TIAM2: variants seen among roughly 807,000 people sequenced by gnomAD.
The protein encoded by TIAM2 is TIAM Rac1 associated GEF 2.
Under a neutral mutation model 152.9 loss-of-function variants are expected in TIAM2, and 80 were observed. The observed-to-expected ratio is 0.52, with a 90% confidence interval of 0.44 to 0.63. The LOEUF (loss-of-function observed/expected upper bound fraction) is 0.63, where lower values mean the gene tolerates loss of function less well. TIAM2 is among the 30% of genes least tolerant of loss of function. The probability of loss-of-function intolerance (pLI) is 0.00; values close to 1 mark genes in which losing one functional copy is unlikely to be tolerated. For synonymous variants in TIAM2, 804 were observed against 838.0 expected (o/e 0.96, Z 0.70); for missense variants, 1,965 against 2,120.1 (o/e 0.93, Z 1.44).
At chr6:155,131,356 A>AT (rs1583206582) in intron 4 of TIAM2, among the ~76,000 whole-genome samples, 2 of 152,164 alleles carry the variant, frequency 1.3e-5, no homozygotes, top group East Asian at 3.9e-4. Flanking sequence ...TAAAAAAAAA[A>AT]AAAAAGTAAG....
At chr6:155,159,753 G>C (rs1203500388) in intron 7 of TIAM2, among the ~76,000 whole-genome samples, 1 of 149,062 alleles carries the variant, frequency 6.7e-6, no homozygotes, top group African/African-American at 2.5e-5. Context: ...TGCTGAGTCT[G>C]TGGAAAGAAA....
At chr6:155,091,258 A>G (rs1244472844) in intron 2 of TIAM2, among the ~76,000 whole-genome samples, 1 of 151,930 alleles carries the variant, frequency 6.6e-6, no homozygotes, top group Non-Finnish European at 1.5e-5. Context: ...TCCCTCACTG[A>G]TCGTTTTCTC....
At chr6:155,062,889 T>A (rs775217318) in intron 1 of TIAM2, among the ~76,000 whole-genome samples, 14 of 152,110 alleles carry the variant, frequency 9.2e-5, no homozygotes, top group Non-Finnish European at 1.9e-4. Context: ...CTTGTGGTTT[T>A]AATTTGCATT....
At chr6:155,058,496 TAA>T (rs1269747172) in intron 1 of TIAM2, among the ~76,000 whole-genome samples, 1 of 152,182 alleles carries the variant, frequency 6.6e-6, no homozygotes, top group African/African-American at 2.4e-5. Flanking sequence ...AGCACTGAAA[TAA>T]AAGAGCCCTT....
chr6:155,065,779 A>T (rs1052755015), intron 1 of TIAM2, among the ~76,000 whole-genome samples: 1 of 152,148 alleles, frequency 6.6e-6, no homozygotes, highest in African/African-American at 2.4e-5. Context: ...CCCACCAAAA[A>T]AGTGATTTTA....
chr6:155,185,123 CTTTTTTTTTTTTT>C (rs11404301), intron 14 of TIAM2, among the ~76,000 whole-genome samples: 20 of 92,402 alleles, frequency 2.2e-4, no homozygotes, highest in Admixed American at 4.3e-4. Context: ...GCAAATTTAC[CTTTTTTTTTTTTT>C]TTTTTTTTTT....
chr6:155,076,757 G>A (rs1040382026), intron 1 of TIAM2, among the ~76,000 whole-genome samples: 13 of 152,136 alleles, frequency 8.5e-5, no homozygotes, highest in Non-Finnish European at 2.9e-5. Flanking sequence ...GCAGTGGCAC[G>A]TGATTGTGGC....
At position 155,066,095 on chromosome 6, in the gene TIAM2, G is replaced by A. The variant is rs1042995000; in HGVS notation, c.-208-24194G>A. On this transcript the variant is annotated intron_variant, in intron 1 of 26. Transcript: ENST00000682666. The stretch of plus-strand genomic sequence containing the variant: ...TCCCGGAAAAATGGGCTGTTTCTCC[G>A]CCAGCTAAATTGGTCCTGGGCCTTC... 5.9e-5 allele frequency among the ~76,000 whole-genome samples: 9 copies of A among 152,106 alleles called. 1 individual carries two copies. In the South Asian group the frequency reaches 1.0e-3, roughly 18 times the overall value.
rs1453665124 is a variant in TIAM2 at position 155,137,377 on chromosome 6, G to A, written c.1395G>A (p.Glu465=). 1.9e-6 allele frequency: 3 copies of A among 1,614,242 alleles called. No homozygotes were observed. Among genetic ancestry groups the A allele is most frequent in the Non-Finnish European group, 2.5e-6 (3 of 1,180,048 alleles). Residue 465 remains glutamate, a synonymous_variant, in exon 5 of 27, where the codon GAG becomes GAA. Coordinates refer to ENST00000682666, the MANE Select transcript of TIAM2 (RefSeq NM_012454.4). ...RQNIYENFMR[E]LEMSRTNTEN... ...ACATTTATGAGAATTTCATGCGAGA[G>A]TTGGAAATGAGCAGGACCAACACTG...
At chr6:155,175,131 T>G (rs1447855097) in intron 9 of TIAM2, among the ~76,000 whole-genome samples, 2 of 152,192 alleles carry the variant, frequency 1.3e-5, no homozygotes, top group Non-Finnish European at 2.9e-5. Flanking sequence ...GTCCTGTCTT[T>G]TCCTTTGGCA....
chr6:155,240,526 TCA>T lies in TIAM2; in HGVS notation c.3169-3_3169-2del, dbSNP rs1491096771. 1.7e-5 allele frequency: 28 copies of T among 1,601,962 alleles called. No individual in the cohort carries two copies. The highest frequency in any genetic ancestry group is 2.1e-5 in the Non-Finnish European group (25 of 1,171,180). On this transcript the variant is annotated splice_acceptor_variant and splice_polypyrimidine_tract_variant and intron_variant, in intron 15 of 26. Transcript: ENST00000682666. LOFTEE classifies it high-confidence loss of function. ...ATTATTTTCCACCTCTTGTCCTCTCTCAGAGTGCTGAGCAGATCACTGCACTG... is the reference window on the plus strand; with the variant it reads ...ATTATTTTCCACCTCTTGTCCTCTCTGAGTGCTGAGCAGATCACTGCACTG...
chr6:155,064,056 C>G (rs556886408), intron 1 of TIAM2, among the ~76,000 whole-genome samples: 1 of 152,270 alleles, frequency 6.6e-6, no homozygotes, highest in Non-Finnish European at 1.5e-5. Flanking sequence ...GCATATGCAT[C>G]ATATGTAAAG....
intron 1 of TIAM2, among the ~76,000 whole-genome samples, chr6:155,007,416 G>T (rs549108446): frequency 6.9e-6 from 1 of 145,882 alleles, no homozygotes; most frequent in Non-Finnish European, 1.5e-5. Flanking sequence ...AGGGAGTCTC[G>T]CTCTGTCGCC....
chr6:155,183,137 C>G (rs1780949607), intron 13 of TIAM2, 100 bp from the exon 14 acceptor site: 1 of 1,455,708 alleles, frequency 6.9e-7, no homozygotes. Context: ...AAAACAGTCC[C>G]TACGAGTACA....
intron 1 of TIAM2, among the ~76,000 whole-genome samples, chr6:155,054,663 C>G (rs374886912): frequency 6.6e-5 from 10 of 152,038 alleles, no homozygotes; most frequent in African/African-American, 2.2e-4. Flanking sequence ...TCACTGCAAC[C>G]TCCCGCCCCC....
At chr6:155,093,249 A>G (rs1778342496) in intron 2 of TIAM2, among the ~76,000 whole-genome samples, 1 of 152,172 alleles carries the variant, frequency 6.6e-6, no homozygotes, top group South Asian at 2.1e-4. Flanking sequence ...TAAATATGAA[A>G]ATGTATGTCA....
intron 14 of TIAM2, among the ~76,000 whole-genome samples, chr6:155,196,180 C>T (rs559452377): frequency 2.8e-4 from 43 of 152,168 alleles, no homozygotes; most frequent in South Asian, 2.1e-4. Flanking sequence ...CAACAGAGCT[C>T]GCCCAGAGAC....
At chr6:155,187,573 C>CCCTTTTTTT (rs1189509294) in intron 14 of TIAM2, among the ~76,000 whole-genome samples, 7 of 49,620 alleles carry the variant, frequency 1.4e-4, no homozygotes, top group African/African-American at 3.9e-4. Flanking sequence ...ACCCCGCCCC[C>CCCTTTTTTT]TTTTTTTTTT....
chr6:155,022,492 G>A lies in TIAM2; in HGVS notation c.-209+27000G>A, dbSNP rs145060835. 7.7e-3 allele frequency: 1,165 copies of A among 152,264 alleles called. 13 individuals carry two copies. Among genetic ancestry groups the A allele is most frequent in the African/African-American group, 0.027 (1,106 of 41,506 alleles). The allele number at this position is 152,264 out of a possible 1,614,324, so 9.4% of individuals were successfully genotyped here. On this transcript the variant is annotated intron_variant, in intron 1 of 26. Transcript: ENST00000682666. ...TTTTTTGTATTTTTAGTAGAGACAG[G>A]GTTTCACCATGTTAGCCAGCTGGTC...
Sources: allele counts gnomAD v4.1 joint callset (sites outside exome capture counted in the v4.1 genomes callset), GRCh38; gene constraint gnomAD v4.1.1; transcripts MANE v1.5; gene names NCBI Gene and HGNC (gene_info 2026-07-23, HGNC 2026-07-21).